The following ARHGAP10 variants were observed in gnomAD, a reference collection of about 807,000 sequenced individuals.
ARHGAP10 encodes the protein rho GTPase-activating protein 10.
Under a neutral mutation model 108.6 loss-of-function variants are expected in ARHGAP10, and 87 were observed. The observed-to-expected ratio is 0.80, with a 90% CI of 0.67 to 0.96. The LOEUF (loss-of-function observed/expected upper bound fraction) is 0.96, where lower values mean the gene tolerates loss of function less well. Among genes scored for constraint, ARHGAP10 ranks in the 40% least tolerant of loss-of-function variants. The pLI, the probability that ARHGAP10 is intolerant of heterozygous loss-of-function variation, is 0.00. For missense variants in ARHGAP10, 939 were observed against 954.5 expected (o/e 0.98, Z 0.21); for synonymous variants, 347 against 341.1 (o/e 1.02, Z -0.19).
rs149874981 is a variant in ARHGAP10 at position 147,843,602 on chromosome 4, C to T, written c.313-3549C>T. On this transcript the variant is annotated intron_variant, in intron 3 of 22. Coordinates refer to ENST00000336498, the MANE Select transcript of ARHGAP10 (RefSeq NM_024605.4). ...AGTGCAGTGGCACGATCTCAGCTCA[C>T]CGCAACCTCTGCCTCCTGGGTTCAA... Among the ~76,000 whole-genome samples, 12 of 152,296 alleles carry T rather than the reference C, an allele frequency of 7.9e-5. No individual in the cohort carries two copies. The East Asian group carries it at 2.3e-3, about 29-fold the overall frequency.
chr4:147,735,543 A>G (rs1350825022), intron 1 of ARHGAP10, among the ~76,000 whole-genome samples: 1 of 152,118 alleles, frequency 6.6e-6, no homozygotes, highest in African/African-American at 2.4e-5. Context: ...ATGGATGGAG[A>G]GGTCAGTTTT....
At chr4:147,784,805 T>TA (rs1730791054) in intron 1 of ARHGAP10, among the ~76,000 whole-genome samples, 1 of 7,250 alleles carries the variant, frequency 1.4e-4, no homozygotes, top group African/African-American at 1.7e-4. Flanking sequence ...ATTATAAATA[T>TA]AATATATTAT....
At chr4:148,043,744 A>ATGTGTATG (rs1384946833) in intron 19 of ARHGAP10, among the ~76,000 whole-genome samples, 3 of 136,260 alleles carry the variant, frequency 2.2e-5, no homozygotes, top group African/African-American at 8.8e-5. Flanking sequence ...GTGTATATAT[A>ATGTGTATG]TGTATATATG....
intron 20 of ARHGAP10, among the ~76,000 whole-genome samples, chr4:148,054,776 A>G (rs1270781156): frequency 2.0e-5 from 3 of 152,156 alleles, no homozygotes; most frequent in African/African-American, 7.2e-5. Flanking sequence ...CACATTTATA[A>G]CTTATTCTGA....
chr4:148,017,936 T>C lies in ARHGAP10; in HGVS notation c.1717-5327T>C, dbSNP rs10032952. Among the ~76,000 whole-genome samples the C allele has an allele frequency of 7.7e-3, 1,174 of 152,126 alleles. 15 individuals carry two copies. Among genetic ancestry groups the C allele is most frequent in the African/African-American group, 0.027 (1,123 of 41,464 alleles). ...GGACTTGGGGAGGGATTTATATAAA[T>C]GGCTGAGTCCCATGAGCATAAACAT... On this transcript the variant is annotated intron_variant, in intron 18 of 22. Coordinates refer to ENST00000336498, the MANE Select transcript of ARHGAP10 (RefSeq NM_024605.4).
intron 1 of ARHGAP10, among the ~76,000 whole-genome samples, chr4:147,798,702 C>T (rs1411961583): frequency 1.4e-5 from 2 of 141,844 alleles, no homozygotes; most frequent in African/African-American, 2.8e-5. Flanking sequence ...TGGTGCATTA[C>T]GTGAGGTCAG....
intron 18 of ARHGAP10, among the ~76,000 whole-genome samples, chr4:148,012,745 A>C (rs1741213378): frequency 6.6e-6 from 1 of 152,214 alleles, no homozygotes. Context: ...CGTCTCATGT[A>C]TAACCAGGGG....
intron 18 of ARHGAP10, among the ~76,000 whole-genome samples, chr4:148,008,131 A>G (rs1741021709): frequency 6.6e-6 from 1 of 152,094 alleles, no homozygotes; most frequent in South Asian, 2.1e-4. Flanking sequence ...CTCCTGAGGC[A>G]TACAGTCTCC....
rs138651953 is a variant in ARHGAP10, at chr4:147,970,491, A to G, written c.1716+3652A>G. On this transcript the variant is annotated intron_variant, in intron 18 of 22. Transcript: ENST00000336498. ...GGAAAGGAAGAGGCCTATGTGTGTC[A>G]CTGACAGTGGCTCTGACAGGCGAAA... 1.6e-3 allele frequency among the ~76,000 whole-genome samples: 250 copies of G among 152,284 alleles called. 1 individual carries two copies. Among genetic ancestry groups the G allele is most frequent in the African/African-American group, 5.6e-3 (234 of 41,546 alleles).
At chr4:147,765,419 C>T (rs1729770315) in intron 1 of ARHGAP10, among the ~76,000 whole-genome samples, 1 of 150,750 alleles carries the variant, frequency 6.6e-6, no homozygotes, top group African/African-American at 2.4e-5. Context: ...ATGGGTGTGT[C>T]TATTGTGTTA....
chr4:147,793,224 ATGTG>A (rs1324649431), intron 1 of ARHGAP10, among the ~76,000 whole-genome samples: 1 of 151,654 alleles, frequency 6.6e-6, no homozygotes, highest in African/African-American at 2.4e-5. Context: ...ATATGTATAT[ATGTG>A]TGTGTGTATA....
At chr4:147,878,121 A>G (rs1024931870) in intron 8 of ARHGAP10, among the ~76,000 whole-genome samples, 3 of 150,242 alleles carry the variant, frequency 2.0e-5, no homozygotes, top group African/African-American at 2.5e-5. Flanking sequence ...TTTTTTGGAG[A>G]CAGAGCCTCT....
At chr4:147,830,540 G>C (rs1280207985) in intron 3 of ARHGAP10, among the ~76,000 whole-genome samples, 2 of 116,284 alleles carry the variant, frequency 1.7e-5, no homozygotes, top group African/African-American at 4.2e-5. Context: ...TTTTTTGATG[G>C]GGGGAGCCTT....
intron 19 of ARHGAP10, among the ~76,000 whole-genome samples, chr4:148,025,042 G>A (rs771045906): frequency 1.3e-5 from 2 of 152,136 alleles, no homozygotes; most frequent in Non-Finnish European, 2.9e-5. Context: ...CAATGGAATC[G>A]TAATATCCAG....
chr4:148,014,779 G>A (rs533034833), intron 18 of ARHGAP10, among the ~76,000 whole-genome samples: 14 of 152,306 alleles, frequency 9.2e-5, no homozygotes, highest in Admixed American at 3.3e-4. Flanking sequence ...ACTATTTAGC[G>A]TATAGAGTGC....
At chr4:148,008,207 C>G (rs758534302) in intron 18 of ARHGAP10, among the ~76,000 whole-genome samples, 1 of 152,098 alleles carries the variant, frequency 6.6e-6, no homozygotes, top group African/African-American at 2.4e-5. Flanking sequence ...TCTGTTGAAT[C>G]TAGTATTACT....
chr4:147,787,154 TA>T (rs1269487374), intron 1 of ARHGAP10, among the ~76,000 whole-genome samples: 1 of 152,128 alleles, frequency 6.6e-6, no homozygotes, highest in East Asian at 1.9e-4. Flanking sequence ...GGTTGTCACA[TA>T]ATCGGGTGCT....
At chr4:147,751,893 T>G (rs934681267) in intron 1 of ARHGAP10, among the ~76,000 whole-genome samples, 3 of 149,880 alleles carry the variant, frequency 2.0e-5, no homozygotes, top group Non-Finnish European at 4.4e-5. Flanking sequence ...GTTTTTTTTT[T>G]TTTTTTTTTT....
In ARHGAP10 at chr4:147,946,698, A is replaced by G. The variant is rs1231124872; in HGVS notation, c.1385A>G (p.Tyr462Cys). 8.1e-6 allele frequency: 13 copies of G among 1,604,674 alleles called. 1 individual carries two copies. The South Asian group carries it at 1.0e-4, about 13-fold the overall frequency. Residue 462 changes from tyrosine to cysteine, a missense_variant, in exon 15 of 23, where the codon TAT (tyrosine) becomes TGT (cysteine). Transcript: ENST00000336498. ...VKTITSALKQ[Y>C]LRSLPEPLMT... is the part of the protein sequence containing the mutation. ...ACAATAACAAGTGCCTTGAAACAGT[A>G]TTTGAGGTAAGCTCCTCTCAGTAGC...
Sources: allele counts gnomAD v4.1 joint callset (sites outside exome capture counted in the v4.1 genomes callset), GRCh38; gene constraint gnomAD v4.1.1; transcripts MANE v1.5; gene names NCBI Gene and HGNC (gene_info 2026-07-23, HGNC 2026-07-21).